Variants in RNF180 observed in about 807,000 individuals in gnomAD.
RNF180 encodes the protein E3 ubiquitin-protein ligase RNF180.
Under a neutral mutation model 59.2 loss-of-function variants are expected in RNF180, and 38 were observed. The observed-to-expected ratio is 0.64, with a 90% CI of 0.50 to 0.84. The LOEUF is 0.84. Ranked by LOEUF, RNF180 falls within the 40% of genes least tolerant of loss-of-function variation. The pLI is 0.00. For missense variants in RNF180, 705 were observed against 700.9 expected (o/e 1.01, Z -0.07); for synonymous variants, 262 against 240.3 (o/e 1.09, Z -0.84).
chr5:64,217,208 T>C (rs1217924707), intron 4 of RNF180, among the ~76,000 whole-genome samples, 153 bp from the exon 5 acceptor site: 1 of 152,204 alleles, frequency 6.6e-6, no homozygotes, highest in Non-Finnish European at 1.5e-5. Flanking sequence ...TTTTTATTGC[T>C]CAGTAGTATT....
At chr5:64,259,826 C>T (rs1281760271) in intron 5 of RNF180, among the ~76,000 whole-genome samples, 1 of 152,038 alleles carries the variant, frequency 6.6e-6, no homozygotes, top group South Asian at 2.1e-4. Context: ...GAGGCTGAGG[C>T]AGGAGAATCA....
At chr5:64,173,935 C>A (rs1750087595) in intron 1 of RNF180, among the ~76,000 whole-genome samples, 1 of 152,094 alleles carries the variant, frequency 6.6e-6, no homozygotes, top group Non-Finnish European at 1.5e-5. Flanking sequence ...AGGCTGTTCT[C>A]AAACACCTGA....
At position 64,338,622 on chromosome 5, in the gene RNF180, G is replaced by A. The variant is rs1745230325; in HGVS notation, c.1579+8216G>A. On this transcript the variant is annotated intron_variant, in intron 7 of 7. Coordinates refer to ENST00000389100, the MANE Select transcript of RNF180 (RefSeq NM_001113561.2). ...TGCACTCCAGCCTGAGCAACAAGGCGAGACTCCATCTCAAAAAAAAAAAAA... is the reference window on the plus strand; with the variant it reads ...TGCACTCCAGCCTGAGCAACAAGGCAAGACTCCATCTCAAAAAAAAAAAAA... Among the ~76,000 whole-genome samples the A allele has an allele frequency of 2.7e-5, 4 of 146,792 alleles. No homozygotes were observed. The South Asian group carries it at 6.4e-4, about 24-fold the overall frequency.
At chr5:64,245,204 C>T (rs1016024688) in intron 5 of RNF180, among the ~76,000 whole-genome samples, 24 of 152,160 alleles carry the variant, frequency 1.6e-4, no homozygotes, top group African/African-American at 5.8e-4. Flanking sequence ...GAAGAAACCA[C>T]ATCAACTAAC....
In RNF180 at chr5:64,187,192, T is replaced by A. The variant is rs1750913181; in HGVS notation, c.1-13616T>A. On this transcript the variant is annotated intron_variant, in intron 1 of 7. Coordinates refer to ENST00000389100, the MANE Select transcript of RNF180 (RefSeq NM_001113561.2). ...AGGAAAATGAGTCAGTTTACAAGAATAAAGAAGTGCTATTCAACTTTAATT... is the reference window on the plus strand; with the variant it reads ...AGGAAAATGAGTCAGTTTACAAGAAAAAAGAAGTGCTATTCAACTTTAATT... 2.0e-5 allele frequency among the ~76,000 whole-genome samples: 3 copies of A among 152,172 alleles called. No homozygotes were observed. In the South Asian group the frequency reaches 6.2e-4, roughly 31 times the overall value.
chr5:64,269,743 T>C (rs9291805), intron 5 of RNF180, among the ~76,000 whole-genome samples: 43,385 of 152,050 alleles, frequency 0.29, 6,421 homozygotes, highest in African/African-American at 0.35. Context: ...CAAAGTTTAT[T>C]TTTGAAGTAA....
chr5:64,276,396 T>G (rs1741724535), intron 5 of RNF180, among the ~76,000 whole-genome samples: 2 of 151,368 alleles, frequency 1.3e-5, no homozygotes, highest in South Asian at 4.2e-4. Flanking sequence ...TGTGTGTTTA[T>G]TTATTTTCTC....
chr5:64,367,561 A>C (rs1746499812), intron 7 of RNF180, among the ~76,000 whole-genome samples: 1 of 151,582 alleles, frequency 6.6e-6, no homozygotes, highest in African/African-American at 2.4e-5. Flanking sequence ...GAACCTACGT[A>C]AGTAAATATA....
At chr5:64,254,625 G>A (rs992951107) in intron 5 of RNF180, among the ~76,000 whole-genome samples, 1 of 152,054 alleles carries the variant, frequency 6.6e-6, no homozygotes, top group Admixed American at 6.6e-5. Context: ...TAAAAATATA[G>A]ATAGGGACAG....
chr5:64,182,929 C>T (rs1750685152), intron 1 of RNF180, among the ~76,000 whole-genome samples: 1 of 152,190 alleles, frequency 6.6e-6, no homozygotes, highest in South Asian at 2.1e-4. Flanking sequence ...GTGATCAAGA[C>T]TGAATATAGA....
intron 5 of RNF180, among the ~76,000 whole-genome samples, chr5:64,305,737 G>T: frequency 6.6e-6 from 1 of 151,184 alleles, no homozygotes; most frequent in Non-Finnish European, 1.5e-5. Flanking sequence ...AAATCTCAGT[G>T]GCTTATAAGC....
rs6872055 is a variant in RNF180, at chr5:64,259,704, C to T, written c.1227+42308C>T. The stretch of plus-strand genomic sequence containing the variant: ...TTGGGAGGCCGAGGTGGGTGGCTCA[C>T]CTGAGGTCAGGAGTTCGAAACCAGC... On this transcript the variant is annotated intron_variant, in intron 5 of 7. Transcript: ENST00000389100. 8.1e-3 allele frequency among the ~76,000 whole-genome samples: 1,237 copies of T among 152,214 alleles called. 16 individuals are homozygous for T. The highest frequency in any genetic ancestry group is 0.028 in the African/African-American group (1,183 of 41,522).
chr5:64,219,782 G>C (rs191380510), intron 5 of RNF180, among the ~76,000 whole-genome samples: 8 of 152,144 alleles, frequency 5.3e-5, no homozygotes, highest in African/African-American at 1.7e-4. Flanking sequence ...GCCTCCCAAA[G>C]TGCTAGGATT....
Position 64,196,886 on chromosome 5 carries a change from A to T in RNF180, c.1-3922A>T, listed in dbSNP as rs575167700. ...TTTGGCAGTTACAGCATTTATGCTT[A>T]TATCCCCCCTCCAAATTGCTTTGGA... On this transcript the variant is annotated intron_variant, in intron 1 of 7. Coordinates refer to ENST00000389100, the MANE Select transcript of RNF180 (RefSeq NM_001113561.2). 9.9e-5 allele frequency among the ~76,000 whole-genome samples: 15 copies of T among 152,246 alleles called. 2 individuals are homozygous for T. The highest frequency in any genetic ancestry group is 3.6e-4 in the African/African-American group (15 of 41,570).
At chr5:64,338,621 C>T (rs1427682122) in intron 7 of RNF180, among the ~76,000 whole-genome samples, 4 of 144,798 alleles carry the variant, frequency 2.8e-5, no homozygotes, top group South Asian at 2.2e-4. Flanking sequence ...AGCAACAAGG[C>T]GAGACTCCAT....
At chr5:64,301,112 A>G in intron 5 of RNF180, among the ~76,000 whole-genome samples, 1 of 151,854 alleles carries the variant, frequency 6.6e-6, no homozygotes, top group East Asian at 1.9e-4. Flanking sequence ...GTAAAACAGT[A>G]AAGATTCATT....
intron 7 of RNF180, among the ~76,000 whole-genome samples, chr5:64,345,035 A>C (rs570429783): frequency 8.0e-4 from 121 of 152,148 alleles, no homozygotes; most frequent in Non-Finnish European, 1.1e-3. Context: ...TTTGTTTCTC[A>C]TTTGGCTAGT....
chr5:64,242,897 C>G (rs1440064525), intron 5 of RNF180, among the ~76,000 whole-genome samples: 1 of 152,200 alleles, frequency 6.6e-6, no homozygotes, highest in Non-Finnish European at 1.5e-5. Flanking sequence ...CCCAGTTCAT[C>G]TCACTGGAAC....
intron 7 of RNF180, among the ~76,000 whole-genome samples, chr5:64,336,684 G>T (rs1456880032): frequency 1.3e-5 from 2 of 152,110 alleles, no homozygotes; most frequent in African/African-American, 4.8e-5. Context: ...ATAGTTTAAG[G>T]TCATTTTAAA....
Sources: gnomAD v4.1 joint callset for allele counts (sites outside exome capture counted in the v4.1 genomes callset) on GRCh38, gnomAD v4.1.1 for gene constraint, MANE v1.5 for transcripts, NCBI Gene and HGNC (gene_info 2026-07-23, HGNC 2026-07-21) for gene names.